HEATR5A: variants seen among roughly 807,000 people sequenced by gnomAD.
The protein encoded by HEATR5A is HEAT repeat-containing protein 5A.
Under a neutral mutation model 218.8 loss-of-function variants are expected in HEATR5A, and 178 were observed. The ratio of observed to expected loss-of-function variants is 0.81; its 90% confidence interval spans 0.72 to 0.92. The LOEUF is 0.92. Ranked by LOEUF, HEATR5A falls within the 40% of genes least tolerant of loss-of-function variation. The pLI is 0.00. For missense variants in HEATR5A, 2,420 were observed against 2,418.9 expected, an observed-to-expected ratio of 1.00 and a Z score of -0.01; for synonymous variants, 864 against 871.6, an observed-to-expected ratio of 0.99 and a Z score of 0.15.
At chr14:31,388,642 G>A (rs568923646) in intron 7 of HEATR5A, among the ~76,000 whole-genome samples, 21 of 152,242 alleles carry the variant, frequency 1.4e-4, no homozygotes, top group African/African-American at 4.6e-4. Flanking sequence ...TATTAGGAAC[G>A]CAAAACACAT....
At chr14:31,332,302 T>C (rs768558539) in intron 22 of HEATR5A, among the ~76,000 whole-genome samples, 1 of 152,238 alleles carries the variant, frequency 6.6e-6, no homozygotes, top group African/African-American at 2.4e-5. Flanking sequence ...CAATAAATGT[T>C]GAGTGTGTTC....
intron 13 of HEATR5A, among the ~76,000 whole-genome samples, chr14:31,367,732 A>C (rs1901859248): frequency 6.6e-6 from 1 of 151,782 alleles, no homozygotes; most frequent in Admixed American, 6.6e-5. Flanking sequence ...ATAAAATTTC[A>C]ATAGAAGATC....
intron 24 of HEATR5A, among the ~76,000 whole-genome samples, chr14:31,322,097 G>A (rs1009139568): frequency 5.3e-5 from 8 of 152,052 alleles, no homozygotes; most frequent in Non-Finnish European, 8.8e-5. Flanking sequence ...AGTTTTATGC[G>A]GCTCTTTCTA....
intron 16 of HEATR5A, among the ~76,000 whole-genome samples, chr14:31,353,134 C>CG (rs1438359027): frequency 6.6e-6 from 1 of 151,222 alleles, no homozygotes; most frequent in Admixed American, 6.6e-5. Flanking sequence ...CAAATCCCAC[C>CG]ACCTACAAAG....
rs541018747 is a variant in HEATR5A at position 31,325,827 on chromosome 14, T to C, written c.3547+336A>G. 2.7e-4 allele frequency: 66 copies of C among 240,876 alleles called. 2 individuals are homozygous for C. The South Asian group carries it at 3.2e-3, about 12-fold the overall frequency. 14.9% of individuals were successfully genotyped at this position (240,876 alleles called of 1,614,324 possible). On this transcript the variant is annotated intron_variant, in intron 23 of 35. Coordinates refer to ENST00000543095, the MANE Select transcript of HEATR5A (RefSeq NM_015473.4). ...CACCACACCTGGTCTCAAATATTTGTTGTATGTATGAAAAGAAATGATGGG... is the reference window on the plus strand; with the variant it reads ...CACCACACCTGGTCTCAAATATTTGCTGTATGTATGAAAAGAAATGATGGG...
chr14:31,325,969 T>C, intron 23 of HEATR5A, 194 bp downstream of exon 23: 1 of 599,304 alleles, frequency 1.7e-6, no homozygotes. Context: ...GGCTTAAGTA[T>C]TGGATTTATA....
rs1162028942 is a variant in HEATR5A, at chr14:31,295,895, TA to T, written c.5619+13del. 1 of 1,611,172 alleles carries T rather than the reference TA, an allele frequency of 6.2e-7. No individual in the cohort carries two copies. The highest frequency in any genetic ancestry group is 2.2e-5 in the East Asian group (1 of 44,822). ...TGTCCTATTACATACATCTTTCTGCTAAAAGACACTTACCACAGGATCTTTT... is the reference window on the plus strand; with the variant it reads ...TGTCCTATTACATACATCTTTCTGCTAAAGACACTTACCACAGGATCTTTT... On this transcript the variant is annotated intron_variant, in intron 34 of 35. Transcript: ENST00000543095.
At position 31,293,505 on chromosome 14, in the gene HEATR5A, G is replaced by C. The variant is rs1431934406; in HGVS notation, c.5941C>G (p.Leu1981Val). Residue 1981 changes from leucine (L) to valine (V), a missense_variant, in exon 36 of 36, where the codon CTA becomes GTA. Physicochemically the swap from Leu to Val is conservative, Grantham distance 32. Transcript: ENST00000543095. ...SIMRNLHDFALQNLMQIGPQY... is the reference protein window; with the variant it reads ...SIMRNLHDFAVQNLMQIGPQY... ...GGTCCAATTTGCATGAGATTTTGTA[G>C]AGCAAAGTCATGTAAATTTCTCATT... 1.2e-6 allele frequency: 2 copies of C among 1,613,780 alleles called. No homozygotes were observed. Among genetic ancestry groups the C allele is most frequent in the Admixed American group, 3.3e-5 (2 of 60,002 alleles).
At position 31,321,062 on chromosome 14, in the gene HEATR5A, C is replaced by G. The variant is rs552277720; in HGVS notation, c.3969+437G>C. Among the ~76,000 whole-genome samples the G allele has an allele frequency of 3.9e-5, 6 of 152,208 alleles. No homozygotes were observed. In the East Asian group the frequency reaches 9.6e-4, roughly 24 times the overall value. On this transcript the variant is annotated intron_variant, in intron 25 of 35. Coordinates refer to ENST00000543095, the MANE Select transcript of HEATR5A (RefSeq NM_015473.4). ...TTCGGTTCATAGACAGATCCTCCCC[C>G]CTTTCTTCCCTCCCTCCCTTGCTCC... is the stretch of plus-strand genomic sequence containing the variant.
At chr14:31,322,909 G>A (rs1900156423) in intron 24 of HEATR5A, among the ~76,000 whole-genome samples, 1 of 151,436 alleles carries the variant, frequency 6.6e-6, no homozygotes, top group African/African-American at 2.4e-5. Context: ...AACCATAAAG[G>A]CAAACATAAA....
In HEATR5A at chr14:31,323,611, ATGTGCACTG is replaced by A. The variant is rs2017321830; in HGVS notation, c.3732_3740del (p.Ser1245_His1247del). The A allele has an allele frequency of 1.2e-6, 2 of 1,612,760 alleles. No homozygotes were observed. Among genetic ancestry groups the A allele is most frequent in the Non-Finnish European group, 1.7e-6 (2 of 1,179,068 alleles). ...TTTCTTGTGCTAAAGCAATGTCAAA[ATGTGCACTG>A]TTAGCATTCTCACATTGGTTAATTA... On this transcript the variant is annotated inframe_deletion, in exon 24 of 36. Transcript: ENST00000543095.
intron 14 of HEATR5A, among the ~76,000 whole-genome samples, chr14:31,363,800 G>A (rs1036242696): frequency 6.6e-6 from 1 of 152,102 alleles, no homozygotes; most frequent in Admixed American, 6.6e-5. Flanking sequence ...GGGCAACATG[G>A]CGAAACCCTG....
At chr14:31,323,533 T>A in intron 24 of HEATR5A, 32 bp downstream of exon 24, 2 of 1,527,766 alleles carry the variant, frequency 1.3e-6, no homozygotes, top group African/African-American at 2.7e-5. Context: ...TTTACACATA[T>A]CATTTGGTGT....
At position 31,336,213 on chromosome 14, in the gene HEATR5A, C is replaced by CATAT. The variant is rs371848651; in HGVS notation, c.3367+1262_3367+1263insATAT. Reference sequence around the variant, plus strand: ...AGGGGGTTATTTTTATATATACATACATACATATATATATATATATATATA... The same window carrying CATAT: ...AGGGGGTTATTTTTATATATACATACATATATACATATATATATATATATATATA... On this transcript the variant is annotated intron_variant, in intron 22 of 35. Transcript: ENST00000543095. Among the ~76,000 whole-genome samples the CATAT allele has an allele frequency of 3.8e-3, 343 of 90,544 alleles. 1 individual carries two copies. Among genetic ancestry groups the CATAT allele is most frequent in the East Asian group, 0.01 (27 of 2,674 alleles). 59.4% of individuals were successfully genotyped at this position (90,544 alleles called of 152,430 possible).
intron 11 of HEATR5A, among the ~76,000 whole-genome samples, chr14:31,377,124 T>C (rs2139264967): frequency 9.3e-6 from 1 of 107,188 alleles, no homozygotes; most frequent in East Asian, 2.6e-4. Flanking sequence ...ACCCTGTCTC[T>C]TAAAAAAAAA....
At chr14:31,304,783 C>T (rs1307105507) in intron 32 of HEATR5A, 122 bp downstream of exon 32, 2 of 958,232 alleles carry the variant, frequency 2.1e-6, no homozygotes, top group Admixed American at 2.8e-5. Context: ...GGATTAAAGA[C>T]AATACCCAAA....
chr14:31,369,998 A>G (rs1901972776), intron 13 of HEATR5A, among the ~76,000 whole-genome samples: 1 of 150,654 alleles, frequency 6.6e-6, no homozygotes, highest in South Asian at 2.1e-4. Context: ...GGAGGCCGAG[A>G]CAGGCGGATA....
intron 25 of HEATR5A, among the ~76,000 whole-genome samples, chr14:31,320,040 G>C (rs1229364739): frequency 6.6e-6 from 1 of 152,012 alleles, no homozygotes; most frequent in South Asian, 2.1e-4. Flanking sequence ...ACAGAAATCT[G>C]AATCATTTCC....
intron 4 of HEATR5A, among the ~76,000 whole-genome samples, chr14:31,397,998 C>T (rs1031888961): frequency 2.6e-4 from 39 of 152,234 alleles, no homozygotes; most frequent in Non-Finnish European, 4.3e-4. Context: ...TTAGGGACCA[C>T]GGATTTAAAC....
Sources: allele counts gnomAD v4.1 joint callset (sites outside exome capture counted in the v4.1 genomes callset), GRCh38; gene constraint gnomAD v4.1.1; transcripts MANE v1.5; gene names NCBI Gene and HGNC (gene_info 2026-07-23, HGNC 2026-07-21).